Variants in PRIM2 observed in about 807,000 individuals in gnomAD.
PRIM2 encodes the protein DNA primase large subunit.
PRIM2 carries 39 observed loss-of-function variants against 67.3 expected under a neutral mutation model. The observed-to-expected ratio is 0.58, with a 90% CI of 0.45 to 0.76. PRIM2 has a LOEUF of 0.76. Among genes scored for constraint, PRIM2 ranks in the 30% least tolerant of loss-of-function variants. PRIM2 has a pLI of 0.00. For missense variants in PRIM2, 398 were observed against 598.7 expected (o/e 0.66, Z 3.50); for synonymous variants, 143 against 198.7 (o/e 0.72, Z 2.36).
intron 7 of PRIM2, among the ~76,000 whole-genome samples, chr6:57,403,730 A>G (rs1236718520): frequency 1.3e-5 from 2 of 152,118 alleles, no homozygotes; most frequent in East Asian, 1.9e-4. Flanking sequence ...TATCATATAG[A>G]AATAATTTTT....
intron 7 of PRIM2, among the ~76,000 whole-genome samples, chr6:57,454,422 T>A (rs1325943380): frequency 0.065 from 9,925 of 151,812 alleles, 669 homozygotes; most frequent in African/African-American, 0.17. Context: ...GGTCCTGGAC[T>A]TTTTTTTGCT....
intron 10 of PRIM2, among the ~76,000 whole-genome samples, chr6:57,540,293 C>T (rs1379615802): frequency 2.7e-5 from 4 of 148,848 alleles, no homozygotes; most frequent in South Asian, 2.1e-4. Context: ...ACACACACAG[C>T]GAGAGAGAGA....
At chr6:57,269,443 T>G in the PRIM2 span, among the ~76,000 whole-genome samples, 1 of 152,304 alleles carries the variant, frequency 6.6e-6, no homozygotes, top group Admixed American at 6.5e-5. Flanking sequence ...TTTTGAGAAG[T>G]GTCTGTTCAT....
At chr6:57,487,444 G>A (rs1773780153) in intron 7 of PRIM2, among the ~76,000 whole-genome samples, 2 of 152,206 alleles carry the variant, frequency 1.3e-5, no homozygotes, top group South Asian at 2.1e-4. Flanking sequence ...GCCCAGGCTG[G>A]TCTCAAGCTC....
chr6:57,524,202 A>G (rs1290289691), intron 8 of PRIM2, among the ~76,000 whole-genome samples: 2 of 152,164 alleles, frequency 1.3e-5, no homozygotes, highest in African/African-American at 4.8e-5. Context: ...GAAAGTCTTA[A>G]CCTTTCTCTT....
intron 7 of PRIM2, among the ~76,000 whole-genome samples, chr6:57,400,038 G>T (rs982698894): frequency 1.6e-4 from 24 of 152,252 alleles, no homozygotes; most frequent in African/African-American, 5.8e-4. Flanking sequence ...CATACCATTG[G>T]GTCTTGCTTT....
chr6:57,289,332 G>C, the PRIM2 span, among the ~76,000 whole-genome samples: 27 of 152,324 alleles, frequency 1.8e-4, no homozygotes, highest in Admixed American at 1.2e-3. Context: ...CATCTGATTG[G>C]TGTTCCTGAA....
intron 7 of PRIM2, among the ~76,000 whole-genome samples, chr6:57,414,612 G>C (rs1771199311): frequency 6.6e-6 from 1 of 151,976 alleles, no homozygotes; most frequent in African/African-American, 2.4e-5. Context: ...TTACTAACCT[G>C]GTAAAGAAAC....
chr6:57,290,950 C>T, the PRIM2 span, among the ~76,000 whole-genome samples: 11 of 152,060 alleles, frequency 7.2e-5, no homozygotes, highest in Non-Finnish European at 1.3e-4. Flanking sequence ...ACTAGAGAAG[C>T]AAGAGCAGAC....
intron 5 of PRIM2, among the ~76,000 whole-genome samples, chr6:57,368,365 G>A (rs745485348): frequency 6.6e-6 from 1 of 151,972 alleles, no homozygotes; most frequent in Non-Finnish European, 1.5e-5. Context: ...AGCTTCACTG[G>A]CAAGTAATGT....
chr6:57,340,917 T>C (rs1378178224), intron 5 of PRIM2, among the ~76,000 whole-genome samples: 3 of 152,180 alleles, frequency 2.0e-5, no homozygotes, highest in Non-Finnish European at 4.4e-5. Flanking sequence ...TTATGGGAAA[T>C]GTATGCAGTT....
the PRIM2 span, among the ~76,000 whole-genome samples, chr6:57,258,171 G>A: frequency 6.6e-6 from 1 of 152,108 alleles, no homozygotes; most frequent in Non-Finnish European, 1.5e-5. Flanking sequence ...TGTTTAAAAC[G>A]AAATAACCTA....
At chr6:57,275,619 C>A in the PRIM2 span, among the ~76,000 whole-genome samples, 1 of 152,226 alleles carries the variant, frequency 6.6e-6, no homozygotes, top group East Asian at 1.9e-4. Flanking sequence ...AGGACAATTT[C>A]GTGTCATCTT....
chr6:57,643,440 G>A (rs1777280866), intron 13 of PRIM2, among the ~76,000 whole-genome samples: 2 of 152,158 alleles, frequency 1.3e-5, no homozygotes, highest in South Asian at 4.1e-4. Context: ...CTAATTCTAT[G>A]ACCTTGAATA....
chr6:57,439,834 T>C (rs116134594), intron 7 of PRIM2, among the ~76,000 whole-genome samples: 2 of 152,338 alleles, frequency 1.3e-5, no homozygotes, highest in Non-Finnish European at 2.9e-5. Context: ...GAAATTGACA[T>C]CCAGAATTTT....
At chr6:57,604,974 G>T (rs1314240299) in intron 11 of PRIM2, among the ~76,000 whole-genome samples, 1 of 152,194 alleles carries the variant, frequency 6.6e-6, no homozygotes, top group Non-Finnish European at 1.5e-5. Context: ...ACGGGCGTGA[G>T]CCACCGCGCT....
the PRIM2 span, among the ~76,000 whole-genome samples, chr6:57,276,007 A>G: frequency 2.1e-3 from 321 of 152,352 alleles, 1 homozygote; most frequent in Non-Finnish European, 3.4e-3. Flanking sequence ...ATGTTTCCAC[A>G]TGGATAAATC....
chr6:57,587,997 C>A (rs1419675566), intron 10 of PRIM2, among the ~76,000 whole-genome samples: 4 of 152,110 alleles, frequency 2.6e-5, no homozygotes, highest in African/African-American at 9.7e-5. Flanking sequence ...CTGTTTCTAC[C>A]TTATATGGGT....
At chr6:57,255,440 G>A in the PRIM2 span, among the ~76,000 whole-genome samples, 1 of 150,894 alleles carries the variant, frequency 6.6e-6, no homozygotes, top group African/African-American at 2.4e-5. Flanking sequence ...AGAGCTTGCA[G>A]TGAGCTGAGA....
Sources: gnomAD v4.1 joint callset for allele counts (sites outside exome capture counted in the v4.1 genomes callset) on GRCh38, gnomAD v4.1.1 for gene constraint, MANE v1.5 for transcripts, NCBI Gene and HGNC (gene_info 2026-07-23, HGNC 2026-07-21) for gene names.